The following SEMA3A variants were observed in gnomAD, a reference collection of about 807,000 sequenced individuals.
SEMA3A encodes semaphorin-3A.
A neutral mutation model predicts 97.9 loss-of-function variants in SEMA3A; 29 were observed. The observed-to-expected ratio is 0.30, with a 90% CI of 0.22 to 0.40. The LOEUF (loss-of-function observed/expected upper bound fraction) is 0.40. SEMA3A is among the 10% of genes least tolerant of loss of function. The pLI, the probability that SEMA3A is intolerant of heterozygous loss-of-function variation, is 1.00. For synonymous variants in SEMA3A, 321 were observed against 323.7 expected (o/e 0.99, Z 0.09); for missense variants, 763 against 951.3 (o/e 0.80, Z 2.60).
At chr7:84,051,818 G>A (rs897807301) in intron 5 of SEMA3A, among the ~76,000 whole-genome samples, 6 of 151,778 alleles carry the variant, frequency 4.0e-5, no homozygotes, top group African/African-American at 1.2e-4. Flanking sequence ...TCCAGTTTTT[G>A]CACATTCAGT....
At chr7:84,327,982 T>C (rs1056388058) in intron 2 of SEMA3A, among the ~76,000 whole-genome samples, 5 of 152,000 alleles carry the variant, frequency 3.3e-5, no homozygotes, top group Admixed American at 6.6e-5. Context: ...AGAAAGATAA[T>C]TTATAGTAGT....
At chr7:84,315,280 G>GA (rs1341445163) in intron 2 of SEMA3A, among the ~76,000 whole-genome samples, 3 of 151,930 alleles carry the variant, frequency 2.0e-5, no homozygotes, top group African/African-American at 7.3e-5. Flanking sequence ...TTTAACTCTT[G>GA]AAAATCTTAG....
intron 1 of SEMA3A, among the ~76,000 whole-genome samples, chr7:84,421,986 G>T (rs1804608151): frequency 6.6e-6 from 1 of 151,826 alleles, no homozygotes; most frequent in Admixed American, 6.6e-5. Context: ...TTCTTTTTTT[G>T]TTGTGTCTCT....
At chr7:83,967,657 A>C (rs760338277) in intron 15 of SEMA3A, among the ~76,000 whole-genome samples, 1 of 152,118 alleles carries the variant, frequency 6.6e-6, no homozygotes, top group Non-Finnish European at 1.5e-5. Flanking sequence ...CTGGAGGCTG[A>C]GGCAGGAGAA....
At chr7:84,080,075 T>A (rs1009942301) in intron 4 of SEMA3A, among the ~76,000 whole-genome samples, 2 of 142,834 alleles carry the variant, frequency 1.4e-5, no homozygotes, top group African/African-American at 5.4e-5. Flanking sequence ...AAATTGGAAA[T>A]CATCATTCTC....
chr7:84,133,552 A>C (rs1796025949), intron 2 of SEMA3A, among the ~76,000 whole-genome samples: 1 of 152,172 alleles, frequency 6.6e-6, no homozygotes, highest in South Asian at 2.1e-4. Flanking sequence ...AACTAATACA[A>C]ATAGAAACAG....
At chr7:84,452,919 G>T (rs1158661761) in intron 1 of SEMA3A, among the ~76,000 whole-genome samples, 1 of 103,670 alleles carries the variant, frequency 9.6e-6, no homozygotes, top group East Asian at 1.9e-4. Flanking sequence ...GGCCTTTTTT[G>T]GGGGGGAAGT....
At chr7:83,977,228 T>A in intron 14 of SEMA3A, 32 bp from the exon 15 acceptor site, 1 of 1,317,950 alleles carries the variant, frequency 7.6e-7, no homozygotes, top group Non-Finnish European at 1.1e-6. Flanking sequence ...GGTGTTATTG[T>A]ATCCTTATTT....
At chr7:84,362,990 A>C (rs1280348441) in intron 2 of SEMA3A, among the ~76,000 whole-genome samples, 1 of 151,890 alleles carries the variant, frequency 6.6e-6, no homozygotes, top group African/African-American at 2.4e-5. Context: ...TACAAAGTAA[A>C]CAGCAGTATG....
intron 3 of SEMA3A, among the ~76,000 whole-genome samples, chr7:84,238,287 G>T (rs1003787): frequency 0.35 from 53,448 of 151,878 alleles, 10,390 homozygotes; most frequent in Non-Finnish European, 0.46. Context: ...GGCTGGCCTT[G>T]AACTCCTGAC....
At chr7:84,249,745 T>C (rs1799563489) in intron 3 of SEMA3A, among the ~76,000 whole-genome samples, 1 of 151,384 alleles carries the variant, frequency 6.6e-6, no homozygotes, top group Non-Finnish European at 1.5e-5. Flanking sequence ...AAATATGTCA[T>C]CTTGGGCAAG....
intron 2 of SEMA3A, among the ~76,000 whole-genome samples, chr7:84,370,403 T>C (rs1349862355): frequency 6.6e-6 from 1 of 151,682 alleles, no homozygotes; most frequent in African/African-American, 2.4e-5. Flanking sequence ...ATAAGTTTCC[T>C]TCCAGATTTA....
At chr7:84,269,551 A>T (rs918268575) in intron 3 of SEMA3A, among the ~76,000 whole-genome samples, 2 of 152,136 alleles carry the variant, frequency 1.3e-5, no homozygotes, top group Non-Finnish European at 2.9e-5. Flanking sequence ...GAATTGTATA[A>T]GATAAAACAG....
At chr7:84,419,238 G>A (rs902460614) in intron 1 of SEMA3A, among the ~76,000 whole-genome samples, 4 of 152,178 alleles carry the variant, frequency 2.6e-5, no homozygotes, top group Non-Finnish European at 2.9e-5. Flanking sequence ...ACTAAGTAGG[G>A]CCCCTTTGTG....
chr7:84,460,262 G>A (rs892443379), intron 1 of SEMA3A, among the ~76,000 whole-genome samples: 2 of 151,874 alleles, frequency 1.3e-5, no homozygotes, highest in Non-Finnish European at 2.9e-5. Flanking sequence ...TACATCAATG[G>A]GATAAAAGTT....
At chr7:84,463,137 C>A (rs1179385049) in intron 1 of SEMA3A, among the ~76,000 whole-genome samples, 1 of 151,760 alleles carries the variant, frequency 6.6e-6, no homozygotes, top group African/African-American at 2.4e-5. Flanking sequence ...ATCTCTCTTT[C>A]CTCAGCACTC....
At chr7:84,136,744 G>A (rs1796136005) in intron 1 of SEMA3A, among the ~76,000 whole-genome samples, 2 of 151,342 alleles carry the variant, frequency 1.3e-5, no homozygotes, top group African/African-American at 4.9e-5. Flanking sequence ...CATATTACCT[G>A]GTCAACAATG....
intron 6 of SEMA3A, among the ~76,000 whole-genome samples, chr7:84,027,236 C>T (rs1791581201): frequency 6.6e-6 from 1 of 152,136 alleles, no homozygotes; most frequent in Admixed American, 6.5e-5. Context: ...GGCTTGTTCC[C>T]AGTTGAATTT....
intron 12 of SEMA3A, among the ~76,000 whole-genome samples, chr7:83,991,909 T>G (rs1298804717): frequency 1.3e-5 from 2 of 148,202 alleles, no homozygotes; most frequent in East Asian, 4.0e-4. Context: ...CAGTTCCTCC[T>G]TGTACCTCTG....
Sources: gnomAD v4.1 joint callset for allele counts (sites outside exome capture counted in the v4.1 genomes callset) on GRCh38, gnomAD v4.1.1 for gene constraint, MANE v1.5 for transcripts, NCBI Gene and HGNC (gene_info 2026-07-23, HGNC 2026-07-21) for gene names.